Variants in OSBPL5 observed in about 807,000 individuals in gnomAD.
The protein encoded by OSBPL5 is oxysterol binding protein like 5, also known as oxysterol-binding protein-related protein 5.
A neutral mutation model predicts 111.2 loss-of-function variants in OSBPL5; 71 were observed. That is an observed-to-expected ratio of 0.64 (90% CI 0.53 to 0.78). The LOEUF (loss-of-function observed/expected upper bound fraction) is 0.78, where lower values mean the gene tolerates loss of function less well. Among genes scored for constraint, OSBPL5 ranks in the 30% least tolerant of loss-of-function variants. The pLI, the probability that OSBPL5 is intolerant of heterozygous loss-of-function variation, is 0.00. For missense variants in OSBPL5, 1,210 were observed against 1,189.3 expected (o/e 1.02, Z -0.26); for synonymous variants, 549 against 513.9 (o/e 1.07, Z -0.93).
intron 1 of OSBPL5, among the ~76,000 whole-genome samples, chr11:3,155,036 T>C (rs1846711642): frequency 6.6e-6 from 1 of 152,160 alleles, no homozygotes; most frequent in Non-Finnish European, 1.5e-5. Flanking sequence ...CACAGAGGGA[T>C]GACCCTGCAA....
intron 19 of OSBPL5, 53 bp from the exon 20 acceptor site, chr11:3,090,749 G>A (rs1857029515): frequency 6.5e-6 from 10 of 1,549,040 alleles, no homozygotes; most frequent in Non-Finnish European, 8.7e-6. Flanking sequence ...CCCCTGCCCA[G>A]GCCCCAGGGA....
Position 3,126,641 on chromosome 11 carries a change from G to T in OSBPL5, c.137-86C>A. ...CGCTGCCTGGTGTGAGGCAGGCGAA[G>T]CGTGGGTGCGGATGACCTGGGAGGG... On this transcript the variant is annotated intron_variant, in intron 2 of 21. Transcript: ENST00000263650. This position sits in a 1 kb window ranked among gnomAD's most constrained non-coding sequence, Gnocchi z 6.5. 2.5e-6 allele frequency: 3 copies of T among 1,214,974 alleles called. No homozygotes were observed. Among genetic ancestry groups the T allele is most frequent in the East Asian group, 2.6e-5 (1 of 38,536 alleles). The allele number at this position is 1,214,974 out of a possible 1,614,324, so 75.3% of individuals were successfully genotyped here.
chr11:3,131,632 C>T (rs1249555189), intron 1 of OSBPL5, among the ~76,000 whole-genome samples: 1 of 147,666 alleles, frequency 6.8e-6, no homozygotes, highest in Non-Finnish European at 1.5e-5. Flanking sequence ...TCTATTCATC[C>T]ACCCGTCTAT....
intron 1 of OSBPL5, among the ~76,000 whole-genome samples, chr11:3,143,678 G>T (rs907531870): frequency 1.3e-5 from 2 of 152,252 alleles, no homozygotes; most frequent in African/African-American, 4.8e-5. Flanking sequence ...AACGCAGACT[G>T]GTGCTTGCCA....
chr11:3,119,602 G>C lies in OSBPL5; in HGVS notation c.636C>G (p.Ile212Met), dbSNP rs1407571915. ...KGPKGESVGS[I>M]TQPLPSSYLI... ...GGTAGCTGCTGGGCAGGGGCTGTGT[G>C]ATGGAGCCCACGCTCTCACCTTTGG... Residue 212 changes from isoleucine (I) to methionine (M), a missense_variant, in exon 7 of 22, where the codon ATC becomes ATG. Physicochemically the swap from Ile to Met is conservative, Grantham distance 10. Transcript: ENST00000263650. 6.3e-7 allele frequency: 1 copy of C among 1,576,020 alleles called. No individual in the cohort carries two copies. The highest frequency in any genetic ancestry group is 1.9e-5 in the Admixed American group (1 of 51,658).
At chr11:3,134,469 C>T (rs1332596835) in intron 1 of OSBPL5, among the ~76,000 whole-genome samples, 2 of 152,172 alleles carry the variant, frequency 1.3e-5, no homozygotes, top group South Asian at 2.1e-4. Context: ...GCCAGGCCCA[C>T]TCCCCAGCCT....
rs1174569130 is a variant in OSBPL5 at position 3,093,442 on chromosome 11, TCACAG to T, written c.1946+80_1946+84del. 3 of 1,552,166 alleles carry T rather than the reference TCACAG, an allele frequency of 1.9e-6. No individual in the cohort carries two copies. In the East Asian group the frequency reaches 6.8e-5, roughly 35 times the overall value. On this transcript the variant is annotated intron_variant, in intron 17 of 21. Coordinates refer to ENST00000263650, the MANE Select transcript of OSBPL5 (RefSeq NM_020896.4). Reference sequence around the variant, plus strand: ...TGCCAGGGACATCCTGGGGCCATGCTCACAGCACTGTAGCCCTGCTGACCTGCCTG... The same window carrying T: ...TGCCAGGGACATCCTGGGGCCATGCTCACTGTAGCCCTGCTGACCTGCCTG...
At chr11:3,124,837 T>TGGATGGAC (rs1167823689) in intron 3 of OSBPL5, among the ~76,000 whole-genome samples, 3 of 151,824 alleles carry the variant, frequency 2.0e-5, no homozygotes, top group Admixed American at 6.6e-5. Context: ...GATGGATGGA[T>TGGATGGAC]GGACGCATGA....
intron 1 of OSBPL5, among the ~76,000 whole-genome samples, chr11:3,150,173 C>T (rs1284703310): frequency 2.0e-5 from 3 of 152,178 alleles, no homozygotes; most frequent in Non-Finnish European, 4.4e-5. Flanking sequence ...AGGCAGGAGG[C>T]TCCAGGCTAA....
intron 11 of OSBPL5, among the ~76,000 whole-genome samples, chr11:3,102,541 C>A (rs1004538694): frequency 2.0e-5 from 3 of 152,296 alleles, no homozygotes; most frequent in Non-Finnish European, 2.9e-5. Context: ...GAGACCCTGA[C>A]CTTGTCACAC....
At chr11:3,143,709 C>T (rs1335570229) in intron 1 of OSBPL5, among the ~76,000 whole-genome samples, 1 of 152,220 alleles carries the variant, frequency 6.6e-6, no homozygotes, top group Non-Finnish European at 1.5e-5. Context: ...CGGTTCTGTC[C>T]CGGTTTCCTG....
At chr11:3,094,206 C>T (rs1168777160) in intron 15 of OSBPL5, 31 bp downstream of exon 15, 3 of 1,602,976 alleles carry the variant, frequency 1.9e-6, no homozygotes, top group East Asian at 2.2e-5. Context: ...CTTCCCTGGC[C>T]TCGTCTCCCC....
intron 1 of OSBPL5, among the ~76,000 whole-genome samples, chr11:3,135,097 G>A (rs1303572212): frequency 6.6e-6 from 1 of 152,240 alleles, no homozygotes; most frequent in Non-Finnish European, 1.5e-5. Context: ...CGTTTCCCCA[G>A]CTGTCAGTCC....
In OSBPL5 at chr11:3,141,757, T is replaced by C. The variant is rs1445539685; in HGVS notation, c.-21-12588A>G. Among the ~76,000 whole-genome samples, 1 of 152,026 alleles carries C rather than the reference T, an allele frequency of 6.6e-6. No individual in the cohort carries two copies. The highest frequency in any genetic ancestry group is 1.5e-5 in the Non-Finnish European group (1 of 67,990). On this transcript the variant is annotated intron_variant, in intron 1 of 21. Transcript: ENST00000263650. This position sits in a 1 kb window ranked among gnomAD's most constrained non-coding sequence, Gnocchi z 6.5. ...GTGTCCTCCCCTGGGCACAGGATGC[T>C]AAATGGGGTGACAGTAGGAACACCC...
Position 3,120,478 on chromosome 11 carries a change from C to T in OSBPL5, c.549G>A (p.Lys183=), listed in dbSNP as rs1445364842. 1 of 1,613,424 alleles carries T rather than the reference C, an allele frequency of 6.2e-7. No homozygotes were observed. The highest frequency in any genetic ancestry group is 8.5e-7 in the Non-Finnish European group (1 of 1,180,046). The part of the protein sequence containing the change: ...CCELIERPSK[K]DGFCFKLFHP... ...GGAAGAGCTTGAAGCAGAAGCCGTC[C>T]TTCTTGGAGGGCCGCTCGATGAGCT... Residue 183 remains lysine, a synonymous_variant, in exon 6 of 22, where the codon AAG becomes AAA. Coordinates refer to ENST00000263650, the MANE Select transcript of OSBPL5 (RefSeq NM_020896.4).
intron 14 of OSBPL5, 139 bp downstream of exon 14, chr11:3,100,018 CA>C (rs398015214): frequency 0.095 from 41,994 of 444,258 alleles, 4 homozygotes; most frequent in South Asian, 0.12. Context: ...AACTCCATCT[CA>C]AAAAAAAAAA....
intron 1 of OSBPL5, among the ~76,000 whole-genome samples, chr11:3,143,207 GAGGGGGGCAGAGGAGGCAGGTGC>G (rs1846195469): frequency 8.3e-6 from 1 of 121,030 alleles, no homozygotes; most frequent in African/African-American, 3.1e-5. Flanking sequence ...GGCAGGTGCA[GAGGGGGGCAGAGGAGGCAGGTGC>G]GGGGGGGGCA....
Position 3,162,816 on chromosome 11 carries a change from C to T in OSBPL5, c.-22+2400G>A, listed in dbSNP as rs139554363. 4.6e-5 allele frequency among the ~76,000 whole-genome samples: 7 copies of T among 152,064 alleles called. No homozygotes were observed. The highest frequency in any genetic ancestry group is 1.9e-4 in the East Asian group (1 of 5,142). ...AGAACAATATTCTTTTCCTTTGTGC[C>T]GGTCACAAGCAGCATGAGGACATCC... On this transcript the variant is annotated intron_variant, in intron 1 of 21. Transcript: ENST00000263650. This position sits in a 1 kb window ranked among gnomAD's most constrained non-coding sequence, Gnocchi z 8.1.
At position 3,126,201 on chromosome 11, in the gene OSBPL5, T is replaced by G. The variant is rs542981818; in HGVS notation, c.219+272A>C. Among the ~76,000 whole-genome samples the G allele has an allele frequency of 6.6e-6, 1 of 152,312 alleles. No homozygotes were observed. Among genetic ancestry groups the G allele is most frequent in the South Asian group, 2.1e-4 (1 of 4,830 alleles). On this transcript the variant is annotated intron_variant, in intron 3 of 21. Coordinates refer to ENST00000263650, the MANE Select transcript of OSBPL5 (RefSeq NM_020896.4). This position sits in a 1 kb window ranked among gnomAD's most constrained non-coding sequence, Gnocchi z 6.5. ...CCTAGCAATTCCAATTACTCTAGGT[T>G]TATACCTGAGAGAACTGAAAACTGA...
Sources: gnomAD v4.1 joint callset for allele counts (sites outside exome capture counted in the v4.1 genomes callset) on GRCh38, gnomAD v4.1.1 for gene constraint, Gnocchi (gnomAD v3.1) non-coding constraint, MANE v1.5 for transcripts, NCBI Gene and HGNC (gene_info 2026-07-23, HGNC 2026-07-21) for gene names.